The following MET variants were observed in gnomAD, a reference collection of about 807,000 sequenced individuals.
MET encodes hepatocyte growth factor receptor.
MET carries 48 observed loss-of-function variants against 133.1 expected under a neutral mutation model. The observed-to-expected ratio is 0.36, with a 90% confidence interval of 0.29 to 0.46. MET has a LOEUF of 0.46. Ranked by LOEUF, MET falls within the 20% of genes least tolerant of loss-of-function variation. The probability of loss-of-function intolerance (pLI) is 1.00; values close to 1 mark genes in which losing one functional copy is unlikely to be tolerated. For missense variants in MET, 1,442 were observed against 1,695.9 expected, an observed-to-expected ratio of 0.85 and a Z score of 2.63; for synonymous variants, 628 against 616.5, an observed-to-expected ratio of 1.02 and a Z score of -0.28.
intron 1 of MET, among the ~76,000 whole-genome samples, chr7:116,685,905 G>A (rs1211657383): frequency 2.0e-5 from 3 of 151,968 alleles, no homozygotes; most frequent in African/African-American, 7.2e-5. Context: ...TCGATCTGAG[G>A]CATGTGACAA....
intron 2 of MET, among the ~76,000 whole-genome samples, chr7:116,703,842 A>G (rs1791671948): frequency 6.6e-6 from 1 of 152,318 alleles, no homozygotes; most frequent in South Asian, 2.1e-4. Context: ...CGTACATTTT[A>G]GAAAAAATTT....
chr7:116,768,577 C>G (rs1794715725), intron 11 of MET, among the ~76,000 whole-genome samples: 1 of 152,176 alleles, frequency 6.6e-6, no homozygotes, highest in Non-Finnish European at 1.5e-5. Context: ...CTTCCCACTT[C>G]TTTTCCTAGA....
intron 3 of MET, among the ~76,000 whole-genome samples, chr7:116,735,446 T>G (rs547911723): frequency 2.0e-5 from 3 of 152,168 alleles, no homozygotes; most frequent in African/African-American, 4.8e-5. Flanking sequence ...ATAAGAAAAA[T>G]TTGTTTATCT....
intron 2 of MET, among the ~76,000 whole-genome samples, chr7:116,714,627 A>G (rs1792120614): frequency 6.6e-6 from 1 of 152,036 alleles, no homozygotes; most frequent in Admixed American, 6.5e-5. Flanking sequence ...GCTAGACCCA[A>G]GGTAGAAGCA....
chr7:116,741,167 T>C, intron 5 of MET, 142 bp downstream of exon 5: 1 of 964,362 alleles, frequency 1.0e-6, no homozygotes, highest in Non-Finnish European at 1.6e-6. Context: ...CTCATTTAGC[T>C]GTGAGTCATC....
At chr7:116,712,692 C>T (rs772188778) in intron 2 of MET, among the ~76,000 whole-genome samples, 2 of 151,884 alleles carry the variant, frequency 1.3e-5, no homozygotes, top group Non-Finnish European at 2.9e-5. Context: ...CTATGCCCCT[C>T]CCGTCCCCCC....
chr7:116,686,877 C>T (rs1242002306), intron 1 of MET, among the ~76,000 whole-genome samples: 1 of 152,224 alleles, frequency 6.6e-6, no homozygotes, highest in Non-Finnish European at 1.5e-5. Flanking sequence ...CTGTCCCCTA[C>T]CTCAGCTGCA....
At chr7:116,763,799 A>G (rs1341125882) in intron 11 of MET, among the ~76,000 whole-genome samples, 1 of 152,226 alleles carries the variant, frequency 6.6e-6, no homozygotes, top group Non-Finnish European at 1.5e-5. Context: ...TTTCTAAAGC[A>G]AGCCTGTTGC....
intron 5 of MET, among the ~76,000 whole-genome samples, chr7:116,755,052 A>AGAAAAGAAAGAAC (rs1794126914): frequency 3.3e-5 from 5 of 152,066 alleles, no homozygotes; most frequent in South Asian, 4.2e-4. Context: ...AAAGAAAGAA[A>AGAAAAGAAAGAAC]GAACGGAAGG....
At chr7:116,753,516 T>C (rs1794010051) in intron 5 of MET, among the ~76,000 whole-genome samples, 1 of 152,202 alleles carries the variant, frequency 6.6e-6, no homozygotes, top group African/African-American at 2.4e-5. Context: ...GACCAAGGTT[T>C]ATCAATAAAT....
chr7:116,685,185 T>C (rs919335453), intron 1 of MET, among the ~76,000 whole-genome samples: 1 of 152,164 alleles, frequency 6.6e-6, no homozygotes, highest in East Asian at 1.9e-4. Flanking sequence ...CTATTAGCTT[T>C]GGTGGCGCCA....
chr7:116,721,438 C>G (rs924029879), intron 2 of MET, among the ~76,000 whole-genome samples: 2 of 151,868 alleles, frequency 1.3e-5, no homozygotes, highest in Non-Finnish European at 2.9e-5. Context: ...AAAAAACCAG[C>G]TCCTGGATTC....
chr7:116,795,582 G>T (rs1795642836), intron 19 of MET, 73 bp from the exon 20 acceptor site: 2 of 1,604,426 alleles, frequency 1.2e-6, no homozygotes, highest in South Asian at 1.1e-5. Flanking sequence ...TAGTTACCAA[G>T]ACCTACTGAT....
intron 11 of MET, among the ~76,000 whole-genome samples, chr7:116,764,849 G>A (rs1475746759): frequency 2.0e-5 from 3 of 152,138 alleles, no homozygotes; most frequent in East Asian, 3.8e-4. Flanking sequence ...TCTAGTGGGA[G>A]CAGTGGCAAT....
At chr7:116,730,605 G>A (rs1792966269) in intron 2 of MET, among the ~76,000 whole-genome samples, 1 of 152,136 alleles carries the variant, frequency 6.6e-6, no homozygotes, top group Non-Finnish European at 1.5e-5. Flanking sequence ...TGAAGGAGAA[G>A]ACTGGATGGG....
chr7:116,765,560 A>T (rs1237061041), intron 11 of MET, among the ~76,000 whole-genome samples: 18 of 152,050 alleles, frequency 1.2e-4, no homozygotes. Flanking sequence ...GGTCAAGCAT[A>T]AGTCACCCCT....
intron 12 of MET, 103 bp downstream of exon 12, chr7:116,769,894 T>A: frequency 6.5e-7 from 1 of 1,534,866 alleles, no homozygotes; most frequent in Non-Finnish European, 8.9e-7. Flanking sequence ...ATGTGTGGGT[T>A]TTGGCTCATC....
At chr7:116,720,112 C>T (rs907515073) in intron 2 of MET, among the ~76,000 whole-genome samples, 6 of 152,300 alleles carry the variant, frequency 3.9e-5, no homozygotes, top group African/African-American at 7.2e-5. Context: ...TGGATTCTTC[C>T]TACCCATGAG....
chr7:116,730,867 C>T (rs1028381199), intron 2 of MET, among the ~76,000 whole-genome samples: 8 of 152,114 alleles, frequency 5.3e-5, no homozygotes, highest in African/African-American at 1.7e-4. Flanking sequence ...GTGATGTTAT[C>T]TACAAGTGCT....
Sources: gnomAD v4.1 joint callset for allele counts (sites outside exome capture counted in the v4.1 genomes callset) on GRCh38, gnomAD v4.1.1 for gene constraint, MANE v1.5 for transcripts, NCBI Gene and HGNC (gene_info 2026-07-23, HGNC 2026-07-21) for gene names.